EIF4E2: variants seen among roughly 807,000 people sequenced by gnomAD.
EIF4E2 encodes the protein eukaryotic translation initiation factor 4E type 2.
In EIF4E2, 13 loss-of-function variants were observed where a neutral mutation model predicts 34.2. The observed-to-expected ratio is 0.38, with a 90% CI of 0.25 to 0.60. The LOEUF (loss-of-function observed/expected upper bound fraction) is 0.60. Ranked by LOEUF, EIF4E2 falls within the 20% of genes least tolerant of loss-of-function variation. The pLI, the probability that EIF4E2 is intolerant of heterozygous loss-of-function variation, is 0.62. For synonymous variants in EIF4E2, 100 were observed against 106.6 expected, an observed-to-expected ratio of 0.94 and a Z score of 0.38; for missense variants, 222 against 315.1, an observed-to-expected ratio of 0.70 and a Z score of 2.24.
chr2:232,558,101 TAA>T, intron 3 of EIF4E2, 83 bp downstream of exon 3: 1 of 1,527,316 alleles, frequency 6.5e-7, no homozygotes, highest in Non-Finnish European at 8.8e-7. Context: ...ACTTTCCTAG[TAA>T]CCTATTTAAG....
chr2:232,561,576 C>G (rs1241911420), intron 3 of EIF4E2, among the ~76,000 whole-genome samples: 3 of 152,200 alleles, frequency 2.0e-5, no homozygotes, highest in Non-Finnish European at 2.9e-5. Flanking sequence ...TTAAATGCAT[C>G]ACAGATAAAT....
At chr2:232,554,466 G>T (rs576463051) in intron 1 of EIF4E2, among the ~76,000 whole-genome samples, 1 of 152,176 alleles carries the variant, frequency 6.6e-6, no homozygotes, top group Non-Finnish European at 1.5e-5. Flanking sequence ...CCTCAGCTAG[G>T]TTCTTGGGGA....
At chr2:232,567,571 C>T in intron 6 of EIF4E2, 1 of 1,211,284 alleles carries the variant, frequency 8.3e-7, no homozygotes, top group Admixed American at 4.2e-5. Flanking sequence ...TTTCACCCTG[C>T]CCACCCTCAC....
rs12471097 is a variant in EIF4E2 at position 232,555,965 on chromosome 2, C to T, written c.21-451C>T. On this transcript the variant is annotated intron_variant, in intron 1 of 6. Transcript: ENST00000258416. ...GACCAGGAATTTATTATATGATTGA[C>T]GTGTCAGGAGAAGAGGGCCTAAACT... is the stretch of plus-strand genomic sequence containing the variant. 3.4e-3 allele frequency among the ~76,000 whole-genome samples: 519 copies of T among 152,182 alleles called. 5 individuals carry two copies. The highest frequency in any genetic ancestry group is 0.024 in the East Asian group (126 of 5,188).
In EIF4E2 at chr2:232,566,436, C is replaced by T. The variant is rs911306432; in HGVS notation, c.376-393C>T. Among the ~76,000 whole-genome samples, 3 of 152,220 alleles carry T rather than the reference C, an allele frequency of 2.0e-5. No homozygotes were observed. The highest frequency in any genetic ancestry group is 7.2e-5 in the African/African-American group (3 of 41,448). Reference sequence around the variant, plus strand: ...CGATCTCCTCACCTCGTGATTCGCCCACCTCAGCCTTCCAAAGTGTTGGGA... The same window carrying T: ...CGATCTCCTCACCTCGTGATTCGCCTACCTCAGCCTTCCAAAGTGTTGGGA... On this transcript the variant is annotated intron_variant, in intron 4 of 6. Coordinates refer to ENST00000258416, the MANE Select transcript of EIF4E2 (RefSeq NM_004846.4). This position sits in a 1 kb window ranked among gnomAD's most constrained non-coding sequence, Gnocchi z 4.9.
intron 4 of EIF4E2, among the ~76,000 whole-genome samples, chr2:232,565,100 G>A (rs3111399): frequency 0.31 from 46,478 of 152,024 alleles, 7,646 homozygotes; most frequent in Admixed American, 0.41. Flanking sequence ...TTCTATTCTG[G>A]TGCCATGGCA....
intron 2 of EIF4E2, 75 bp downstream of exon 2, chr2:232,556,605 GAAGA>G: frequency 1.9e-6 from 2 of 1,064,222 alleles, no homozygotes; most frequent in Non-Finnish European, 2.8e-6. Flanking sequence ...TGTTTATCTG[GAAGA>G]TACCAGATTA....
In EIF4E2 at chr2:232,581,841, A is replaced by G. The variant is rs1693366560; in HGVS notation, c.*898A>G. The stretch of plus-strand genomic sequence containing the variant: ...TGTCCCTCATTGAGGAAGGGAAGCA[A>G]AAGCTGGTTATTGCCAGGCCTATTA... On this transcript the variant is annotated 3_prime_UTR_variant, in exon 7 of 7. Coordinates refer to the EIF4E2 transcript ENST00000409098. This position sits in a 1 kb window ranked among gnomAD's most constrained non-coding sequence, Gnocchi z 5.2. 6.6e-6 allele frequency: 1 copy of G among 152,258 alleles called. No individual in the cohort carries two copies. The highest frequency in any genetic ancestry group is 2.1e-4 in the South Asian group (1 of 4,826). 9.4% of individuals were successfully genotyped at this position (152,258 alleles called of 1,614,324 possible).
chr2:232,573,933 GT>G (rs1693151297), downstream of EIF4E2: 3 of 486,340 alleles, frequency 6.2e-6, no homozygotes, highest in Non-Finnish European at 7.9e-6. Flanking sequence ...AATTGGAAGT[GT>G]TTTTGGTGAC....
chr2:232,580,856 A>G (rs1693337076), intron 6 of EIF4E2: 3 of 1,497,456 alleles, frequency 2.0e-6, no homozygotes, highest in Non-Finnish European at 2.7e-6. Context: ...TTCTGTATAG[A>G]TGATCCTTGT....
In EIF4E2 at chr2:232,566,006, C is replaced by T. The variant is rs916446759; in HGVS notation, c.376-823C>T. Among the ~76,000 whole-genome samples, 1 of 151,538 alleles carries T rather than the reference C, an allele frequency of 6.6e-6. No individual in the cohort carries two copies. Among genetic ancestry groups the T allele is most frequent in the African/African-American group, 2.4e-5 (1 of 41,242 alleles). On this transcript the variant is annotated intron_variant, in intron 4 of 6. Coordinates refer to ENST00000258416, the MANE Select transcript of EIF4E2 (RefSeq NM_004846.4). The surrounding 1 kb of genome is among the most constrained non-coding windows in gnomAD (Gnocchi z 4.9). Reference sequence around the variant, plus strand: ...ACCCAGGAGGCAGAGACAGGAGAATCGCTTGAACCCAAGAGGCAGAAGTGG... The same window carrying T: ...ACCCAGGAGGCAGAGACAGGAGAATTGCTTGAACCCAAGAGGCAGAAGTGG...
chr2:232,573,761 A>T, downstream of EIF4E2: 1 of 281,972 alleles, frequency 3.5e-6, no homozygotes, highest in Non-Finnish European at 7.0e-6. Flanking sequence ...AAGGTCGGAA[A>T]TATGAAAACA....
downstream of EIF4E2, among the ~76,000 whole-genome samples, chr2:232,572,426 C>G (rs961221834): frequency 6.6e-6 from 1 of 152,106 alleles, no homozygotes; most frequent in African/African-American, 2.4e-5. Context: ...AGTGCAGTGG[C>G]GCGATCTCTG....
chr2:232,556,286 T>C, intron 1 of EIF4E2, 130 bp from the exon 2 acceptor site: 1 of 677,860 alleles, frequency 1.5e-6, no homozygotes, highest in African/African-American at 1.8e-5. Flanking sequence ...TTTGCCCTTC[T>C]TACATCTCAG....
chr2:232,557,753 A>G (rs1193103021), intron 2 of EIF4E2, 131 bp from the exon 3 acceptor site: 2 of 1,044,034 alleles, frequency 1.9e-6, no homozygotes, highest in East Asian at 2.4e-5. Context: ...TCTTTGGCAC[A>G]TTGCAGATAG....
At chr2:232,568,320 G>A (rs1401345550) in intron 6 of EIF4E2, 2 of 985,360 alleles carry the variant, frequency 2.0e-6, no homozygotes, top group Non-Finnish European at 2.4e-6. Flanking sequence ...GTTTTTAAGT[G>A]GGAACACTGC....
intron 3 of EIF4E2, among the ~76,000 whole-genome samples, chr2:232,561,544 C>T (rs1574664258): frequency 1.3e-5 from 2 of 152,256 alleles, no homozygotes; most frequent in South Asian, 4.1e-4. Context: ...TAATTCAGGT[C>T]ACTAGGAAAT....
At position 232,580,977 on chromosome 2, in the gene EIF4E2, T is replaced by C. The variant is rs1204816808; in HGVS notation, c.*34T>C. 1.9e-6 allele frequency: 3 copies of C among 1,545,734 alleles called. No homozygotes were observed. In the East Asian group the frequency reaches 7.3e-5, roughly 38 times the overall value. ...AAGCTGGCAATAATCCTTTTCTGTATGTGTGTGTTTGTCCGAAATGGATGG... is the reference window on the plus strand; with the variant it reads ...AAGCTGGCAATAATCCTTTTCTGTACGTGTGTGTTTGTCCGAAATGGATGG... On this transcript the variant is annotated 3_prime_UTR_variant, in exon 7 of 7. Transcript: ENST00000409098.
rs1269021151 is a variant in EIF4E2 at position 232,564,282 on chromosome 2, A to G, written c.306A>G (p.Val102=). ...EQFWRFYSHM[V]RPGDLTGHSD... ...TCTGGAGGTTTTATAGCCACATGGT[A>G]CGTCCTGGGGACCTGACAGGCCACA... Residue 102 remains valine (V), a synonymous_variant, in exon 4 of 7, where the codon GTA becomes GTG. Transcript: ENST00000258416. 4 of 1,599,540 alleles carry G rather than the reference A, an allele frequency of 2.5e-6. No homozygotes were observed. Among genetic ancestry groups the G allele is most frequent in the Non-Finnish European group, 3.4e-6 (4 of 1,172,004 alleles).
Sources: allele counts gnomAD v4.1 joint callset (sites outside exome capture counted in the v4.1 genomes callset), GRCh38; gene constraint gnomAD v4.1.1; non-coding constraint Gnocchi (gnomAD v3.1); transcripts MANE v1.5; gene names NCBI Gene and HGNC (gene_info 2026-07-23, HGNC 2026-07-21).